Variants in GSG1L observed in about 807,000 individuals in gnomAD.
The protein encoded by GSG1L is germ cell-specific gene 1-like protein.
A neutral mutation model predicts 42.1 loss-of-function variants in GSG1L; 24 were observed. The observed-to-expected ratio is 0.57, with a 90% CI of 0.41 to 0.80. GSG1L has a LOEUF of 0.80. Ranked by LOEUF, GSG1L falls within the 30% of genes least tolerant of loss-of-function variation. The pLI, the probability that GSG1L is intolerant of heterozygous loss-of-function variation, is 0.00. For missense variants in GSG1L, 445 were observed against 472.2 expected (o/e 0.94, Z 0.53); for synonymous variants, 215 against 203.5 (o/e 1.06, Z -0.48).
intron 1 of GSG1L, among the ~76,000 whole-genome samples, chr16:28,060,634 G>C (rs1181792644): frequency 2.0e-5 from 3 of 152,032 alleles, no homozygotes; most frequent in Non-Finnish European, 4.4e-5. Context: ...TCTCTTCCGC[G>C]ATCCCTTCAC....
intron 3 of GSG1L, among the ~76,000 whole-genome samples, chr16:27,857,286 A>T (rs1352142742): frequency 6.6e-6 from 1 of 151,618 alleles, no homozygotes; most frequent in Non-Finnish European, 1.5e-5. Flanking sequence ...AAATTAGCTG[A>T]GAGTGGTGGT....
At chr16:27,869,859 G>C (rs1291630101) in intron 3 of GSG1L, among the ~76,000 whole-genome samples, 215 of 41,280 alleles carry the variant, frequency 5.2e-3, no homozygotes, top group Admixed American at 8.3e-3. Flanking sequence ...ATCTCTCTCT[G>C]TCTCTGTCTC....
intron 3 of GSG1L, among the ~76,000 whole-genome samples, chr16:27,865,560 T>TAC (rs1567493815): frequency 1.1e-3 from 31 of 27,282 alleles, no homozygotes; most frequent in African/African-American, 6.6e-3. Context: ...TATATATATA[T>TAC]ATATATATAT....
intron 2 of GSG1L, among the ~76,000 whole-genome samples, chr16:27,961,562 C>A (rs1295600808): frequency 1.3e-5 from 2 of 152,208 alleles, no homozygotes; most frequent in Admixed American, 1.3e-4. Context: ...AGAATGACAG[C>A]CCCTTCCTCA....
At position 28,047,641 on chromosome 16, in the gene GSG1L, A is replaced by G. The variant is rs186947376; in HGVS notation, c.349+15435T>C. ...CAAGGGAATACAAACGAAAGAAAGC[A>G]GGGATAGCAATATTAAAATATGAAA... On this transcript the variant is annotated intron_variant, in intron 1 of 6. Coordinates refer to ENST00000447459, the MANE Select transcript of GSG1L (RefSeq NM_001109763.2). 8.0e-4 allele frequency among the ~76,000 whole-genome samples: 122 copies of G among 152,338 alleles called. No homozygotes were observed. The East Asian group carries it at 0.013, about 17-fold the overall frequency.
At chr16:27,920,834 C>G (rs570456174) in intron 2 of GSG1L, among the ~76,000 whole-genome samples, 1 of 152,194 alleles carries the variant, frequency 6.6e-6, no homozygotes, top group Non-Finnish European at 1.5e-5. Context: ...CAGAGGCAAC[C>G]AGGCAGGGAC....
intron 3 of GSG1L, among the ~76,000 whole-genome samples, chr16:27,853,127 C>T (rs548360971): frequency 6.6e-6 from 1 of 152,324 alleles, no homozygotes; most frequent in South Asian, 2.1e-4. Context: ...TGAGACCAAT[C>T]GGCTGGGGGC....
At chr16:27,874,441 C>CTTTT (rs71140916) in intron 3 of GSG1L, among the ~76,000 whole-genome samples, 7,067 of 93,252 alleles carry the variant, frequency 0.076, 1,562 homozygotes, top group Non-Finnish European at 0.11. Context: ...ACAGGAGAGC[C>CTTTT]TTTTTTTTTT....
At chr16:27,797,537 AAAG>A (rs1242067458) in intron 6 of GSG1L, among the ~76,000 whole-genome samples, 63 of 102,384 alleles carry the variant, frequency 6.2e-4, no homozygotes, top group Non-Finnish European at 9.4e-4. Flanking sequence ...AAAAAAAAAA[AAAG>A]GGCCGGGCGC....
At chr16:27,982,838 G>A (rs753515432) in intron 1 of GSG1L, among the ~76,000 whole-genome samples, 2 of 152,044 alleles carry the variant, frequency 1.3e-5, no homozygotes, top group Non-Finnish European at 2.9e-5. Flanking sequence ...TCGTGGGCAG[G>A]GCACCAAGTC....
chr16:27,949,583 G>A (rs865920548), intron 2 of GSG1L, among the ~76,000 whole-genome samples: 4 of 152,102 alleles, frequency 2.6e-5, no homozygotes, highest in Middle Eastern at 3.4e-3. Flanking sequence ...TTGCACCACC[G>A]CACTCCAGCC....
In GSG1L at chr16:28,010,020, G is replaced by A. The variant is rs74015198; in HGVS notation, c.350-46817C>T. Among the ~76,000 whole-genome samples the A allele has an allele frequency of 5.3e-3, 810 of 152,200 alleles. 8 individuals carry two copies. The highest frequency in any genetic ancestry group is 0.018 in the African/African-American group (752 of 41,514). ...ACACACCCGCAAAACACACACACAC[G>A]CTTGCAAGGTTGTATATCGGCGCCA... On this transcript the variant is annotated intron_variant, in intron 1 of 6. Coordinates refer to ENST00000447459, the MANE Select transcript of GSG1L (RefSeq NM_001109763.2).
intron 6 of GSG1L, among the ~76,000 whole-genome samples, chr16:27,804,121 T>C (rs1230574201): frequency 6.6e-6 from 1 of 151,728 alleles, no homozygotes; most frequent in Non-Finnish European, 1.5e-5. Context: ...AGAGAAATAA[T>C]GTGGACATGT....
At position 27,789,896 on chromosome 16, in the gene GSG1L, A is replaced by G. The variant is rs2082733718; in HGVS notation, c.*1474T>C. 1 of 150,768 alleles carries G rather than the reference A, an allele frequency of 6.6e-6. No homozygotes were observed. Among genetic ancestry groups the G allele is most frequent in the Non-Finnish European group, 1.5e-5 (1 of 67,786 alleles). 9.3% of individuals were successfully genotyped at this position (150,768 alleles called of 1,614,324 possible). A position where few individuals can be genotyped will look rare whatever the true frequency, so the allele number is the denominator to read the frequency against. ...ATGGTTGATGGACTATAGATGGATA[A>G]TAGATGATGAGTGGGTGGATAATGG... is the stretch of plus-strand genomic sequence containing the variant. On this transcript the variant is annotated 3_prime_UTR_variant, in exon 7 of 7. Transcript: ENST00000447459.
intron 6 of GSG1L, among the ~76,000 whole-genome samples, chr16:27,797,691 G>A (rs2082834283): frequency 7.1e-6 from 1 of 141,270 alleles, no homozygotes; most frequent in Admixed American, 7.1e-5. Context: ...GCATGGTGGT[G>A]GGCACCTGTA....
chr16:27,890,840 G>A (rs2084116634), intron 2 of GSG1L, among the ~76,000 whole-genome samples: 1 of 152,210 alleles, frequency 6.6e-6, no homozygotes, highest in African/African-American at 2.4e-5. Context: ...GGAGTCAACA[G>A]GATGCCTCTG....
intron 1 of GSG1L, among the ~76,000 whole-genome samples, chr16:28,050,100 A>G (rs28662940): frequency 0.24 from 36,948 of 152,148 alleles, 4,943 homozygotes; most frequent in Non-Finnish European, 0.3. Flanking sequence ...TGAATGAATG[A>G]ATGAATGAAT....
At chr16:27,808,610 G>A (rs1195227996) in intron 5 of GSG1L, among the ~76,000 whole-genome samples, 3 of 152,002 alleles carry the variant, frequency 2.0e-5, no homozygotes, top group Non-Finnish European at 4.4e-5. Flanking sequence ...TTAGAGACAG[G>A]GTTTCACCAT....
chr16:27,929,117 G>C (rs112931322), intron 2 of GSG1L, among the ~76,000 whole-genome samples: 1 of 152,302 alleles, frequency 6.6e-6, no homozygotes, highest in African/African-American at 2.4e-5. Flanking sequence ...AACCTCCCCA[G>C]GTAGTTCCAA....
Sources: gnomAD v4.1 joint callset for allele counts (sites outside exome capture counted in the v4.1 genomes callset) on GRCh38, gnomAD v4.1.1 for gene constraint, MANE v1.5 for transcripts, NCBI Gene and HGNC (gene_info 2026-07-23, HGNC 2026-07-21) for gene names.